KIAA1217: variants seen among roughly 807,000 people sequenced by gnomAD.
KIAA1217 encodes KIAA1217, also known as sickle tail protein homolog.
KIAA1217 carries 88 observed loss-of-function variants against 163.9 expected under a neutral mutation model. The observed-to-expected ratio is 0.54, with a 90% CI of 0.45 to 0.64. The LOEUF is 0.64. KIAA1217 is among the 30% of genes least tolerant of loss of function. The pLI is 0.00. For synonymous variants in KIAA1217, 903 were observed against 923.1 expected, an observed-to-expected ratio of 0.98 and a Z score of 0.39; for missense variants, 2,372 against 2,475.0, an observed-to-expected ratio of 0.96 and a Z score of 0.88.
At chr10:24,369,481 G>T (rs1033567375) in intron 2 of KIAA1217, among the ~76,000 whole-genome samples, 1 of 152,008 alleles carries the variant, frequency 6.6e-6, no homozygotes, top group Non-Finnish European at 1.5e-5. Flanking sequence ...CCTCACTGAG[G>T]GTGAGGGCCT....
At chr10:24,026,698 A>C (rs1847952841) in intron 2 of KIAA1217, among the ~76,000 whole-genome samples, 1 of 131,466 alleles carries the variant, frequency 7.6e-6, no homozygotes, top group African/African-American at 2.9e-5. Context: ...GATTTTGGTT[A>C]CATTGATTTT....
rs180907341 is a variant in KIAA1217 at position 23,802,366 on chromosome 10, T to C, written c.-321+107132T>C. The stretch of plus-strand genomic sequence containing the variant: ...ACATAATCATTTTAGTTAGGAAATA[T>C]TGTTCCAATAGTACAACATGGCCAC... On this transcript the variant is annotated intron_variant, in intron 1 of 18. Coordinates refer to the KIAA1217 transcript ENST00000376462. 1.2e-4 allele frequency among the ~76,000 whole-genome samples: 19 copies of C among 152,356 alleles called. 1 individual carries two copies. In the East Asian group the frequency reaches 3.7e-3, roughly 29 times the overall value.
chr10:24,195,871 G>A (rs1029677200), intron 2 of KIAA1217, among the ~76,000 whole-genome samples: 1 of 152,240 alleles, frequency 6.6e-6, no homozygotes, highest in African/African-American at 2.4e-5. Flanking sequence ...GCTCACGCCT[G>A]TAATCCCAGC....
At chr10:23,836,907 A>G (rs1212630486) in intron 1 of KIAA1217, among the ~76,000 whole-genome samples, 1 of 128,280 alleles carries the variant, frequency 7.8e-6, no homozygotes, top group Admixed American at 9.0e-5. Flanking sequence ...TGGGTGACAG[A>G]GTGAGACCCT....
Position 23,895,988 on chromosome 10 carries a change from G to A in KIAA1217, c.-320-111237G>A, listed in dbSNP as rs1220133729. Among the ~76,000 whole-genome samples, 3 of 120,540 alleles carry A rather than the reference G, an allele frequency of 2.5e-5. No individual in the cohort carries two copies. In the South Asian group the frequency reaches 8.5e-4, roughly 34 times the overall value. 79.1% of individuals were successfully genotyped at this position (120,540 alleles called of 152,430 possible). On this transcript the variant is annotated intron_variant, in intron 1 of 18. Transcript: ENST00000376462. ...AGGGGAGCATCACACACTGGGGACTGTTGTGGGGTGGGGGGAGGGGGGAGG... is the reference window on the plus strand; with the variant it reads ...AGGGGAGCATCACACACTGGGGACTATTGTGGGGTGGGGGGAGGGGGGAGG...
chr10:24,067,560 G>C (rs548332438), intron 2 of KIAA1217, among the ~76,000 whole-genome samples: 76 of 152,352 alleles, frequency 5.0e-4, no homozygotes, highest in African/African-American at 1.7e-3. Flanking sequence ...CCTACTGGGG[G>C]ATGCCTCCCA....
Position 24,143,506 on chromosome 10 carries a change from AC to A in KIAA1217, c.-170-76117del, listed in dbSNP as rs1322597848. Among the ~76,000 whole-genome samples the A allele has an allele frequency of 2.0e-5, 3 of 152,128 alleles. No individual in the cohort carries two copies. The East Asian group carries it at 5.8e-4, about 29-fold the overall frequency. On this transcript the variant is annotated intron_variant, in intron 2 of 18. Coordinates refer to the KIAA1217 transcript ENST00000376462. ...TTGAACTCCTGACCTCAGGTGATCC[AC>A]CCACCTCGGCCTCCCAAAGTGCTGG...
Position 24,546,018 on chromosome 10 carries a change from C to T in KIAA1217, c.5526C>T (p.Pro1842=). Residue 1842 remains proline, a synonymous_variant, in exon 21 of 21, where the codon CCC becomes CCT. Coordinates refer to ENST00000376454, the MANE Select transcript of KIAA1217 (RefSeq NM_019590.5). ...CGATTGCTTCTAACCCTCTCAGCCC[C>T]CAAACAGGACCACCTGCTCACTCTG... The part of the protein sequence containing the change: ...KPSIASNPLS[P]QTGPPAHSAS... 10 of 1,614,182 alleles carry T rather than the reference C, an allele frequency of 6.2e-6. No homozygotes were observed. The highest frequency in any genetic ancestry group is 8.5e-6 in the Non-Finnish European group (10 of 1,180,028).
At chr10:24,241,583 A>AC (rs1564327300) in intron 2 of KIAA1217, among the ~76,000 whole-genome samples, 1 of 152,138 alleles carries the variant, frequency 6.6e-6, no homozygotes, top group African/African-American at 2.4e-5. Flanking sequence ...AACCCAAGTC[A>AC]CCAAGGGGCT....
intron 2 of KIAA1217, among the ~76,000 whole-genome samples, chr10:24,038,902 C>T (rs1848508169): frequency 6.6e-6 from 1 of 152,044 alleles, no homozygotes; most frequent in African/African-American, 2.4e-5. Flanking sequence ...TGCCACCATG[C>T]CCGGCTAAGT....
At chr10:24,034,332 G>T (rs914299940) in intron 2 of KIAA1217, among the ~76,000 whole-genome samples, 6 of 152,024 alleles carry the variant, frequency 3.9e-5, no homozygotes, top group East Asian at 1.9e-4. Flanking sequence ...CCCAAGGTGG[G>T]GTGGATTGCT....
At chr10:23,797,704 A>T (rs142849005) in intron 1 of KIAA1217, among the ~76,000 whole-genome samples, 2 of 152,194 alleles carry the variant, frequency 1.3e-5, no homozygotes, top group African/African-American at 4.8e-5. Flanking sequence ...ATGAGAACTC[A>T]CTCACTATCA....
At chr10:23,822,006 C>T (rs1475100705) in intron 1 of KIAA1217, among the ~76,000 whole-genome samples, 3 of 152,212 alleles carry the variant, frequency 2.0e-5, no homozygotes, top group Non-Finnish European at 4.4e-5. Flanking sequence ...GCTACAGCTA[C>T]TCAGACCATC....
chr10:23,818,210 T>C (rs1837438032), intron 1 of KIAA1217, among the ~76,000 whole-genome samples: 1 of 144,008 alleles, frequency 6.9e-6, no homozygotes, highest in Admixed American at 7.1e-5. Context: ...ACATATTTTT[T>C]TTGCATCTAT....
intron 1 of KIAA1217, among the ~76,000 whole-genome samples, chr10:23,925,025 G>T (rs1842970074): frequency 1.3e-5 from 2 of 151,892 alleles, no homozygotes; most frequent in South Asian, 4.1e-4. Context: ...TTTTCCCATT[G>T]TACAGAAAGG....
At chr10:24,154,179 G>C (rs1175040931) in intron 2 of KIAA1217, among the ~76,000 whole-genome samples, 1 of 151,736 alleles carries the variant, frequency 6.6e-6, no homozygotes, top group Non-Finnish European at 1.5e-5. Flanking sequence ...GGATGGTCTC[G>C]ATCTCCTGAC....
In KIAA1217 at chr10:24,520,675, T is replaced by TATATATATACAC. The variant is rs1411092462; in HGVS notation, c.2308+423_2308+424insTATATATACACA. 2.1e-3 allele frequency among the ~76,000 whole-genome samples: 163 copies of TATATATATACAC among 77,202 alleles called. 6 individuals are homozygous for TATATATATACAC. The highest frequency in any genetic ancestry group is 7.5e-3 in the East Asian group (12 of 1,606). The allele number at this position is 77,202 out of a possible 152,430, so 50.6% of individuals were successfully genotyped here. A position where few individuals can be genotyped will look rare whatever the true frequency, so the allele number is the denominator to read the frequency against. On this transcript the variant is annotated intron_variant, in intron 11 of 20. Transcript: ENST00000376454. ...AAATATATATATATATATATATATA[T>TATATATATACAC]ACACACACACACAAAAAAAAATTAG...
chr10:24,006,732 C>T (rs1308269691), intron 1 of KIAA1217, among the ~76,000 whole-genome samples: 1 of 152,172 alleles, frequency 6.6e-6, no homozygotes, highest in Non-Finnish European at 1.5e-5. Context: ...TGAGCATGAC[C>T]ATGACCATGT....
At chr10:23,783,379 A>T (rs1037395390) in intron 1 of KIAA1217, among the ~76,000 whole-genome samples, 7 of 152,146 alleles carry the variant, frequency 4.6e-5, no homozygotes, top group African/African-American at 1.7e-4. Flanking sequence ...TTATTTGTCT[A>T]TTTAAACCAA....
Sources: gnomAD v4.1 joint callset for allele counts (sites outside exome capture counted in the v4.1 genomes callset) on GRCh38, gnomAD v4.1.1 for gene constraint, MANE v1.5 for transcripts, NCBI Gene and HGNC (gene_info 2026-07-23, HGNC 2026-07-21) for gene names.